The following TRAPPC3 variants were observed in gnomAD, a reference collection of about 807,000 sequenced individuals.
TRAPPC3 encodes trafficking protein particle complex subunit 3.
Under a neutral mutation model 18.2 loss-of-function variants are expected in TRAPPC3, and 5 were observed. The observed-to-expected ratio is 0.28, with a 90% CI of 0.14 to 0.58. The LOEUF is 0.58. Among genes scored for constraint, TRAPPC3 ranks in the 20% least tolerant of loss-of-function variants. TRAPPC3 has a pLI of 0.91. For synonymous variants in TRAPPC3, 65 were observed against 84.2 expected (o/e 0.77, Z 1.25); for missense variants, 176 against 225.9 (o/e 0.78, Z 1.41).
At chr1:36,153,131 A>G (rs1482562659), upstream of TRAPPC3, among the ~76,000 whole-genome samples, 3 of 152,152 alleles carry the variant, frequency 2.0e-5, no homozygotes, top group African/African-American at 4.8e-5. Flanking sequence ...ACTGCAGGGA[A>G]TGCTGTTGGG....
intron 1 of TRAPPC3, among the ~76,000 whole-genome samples, chr1:36,148,693 C>CT (rs1644235680): frequency 6.6e-6 from 1 of 152,148 alleles, no homozygotes; most frequent in Non-Finnish European, 1.5e-5. Context: ...AAACTATTCC[C>CT]TGGGAAAGAA....
At chr1:36,154,216 G>A (rs762713117), upstream of TRAPPC3, among the ~76,000 whole-genome samples, 1 of 152,112 alleles carries the variant, frequency 6.6e-6, no homozygotes, top group Non-Finnish European at 1.5e-5. Context: ...TGTTGGCCAG[G>A]CTGATCTCGA....
intron 3 of TRAPPC3, among the ~76,000 whole-genome samples, chr1:36,139,089 G>T (rs1436251278): frequency 2.1e-5 from 3 of 146,280 alleles, no homozygotes; most frequent in Admixed American, 1.4e-4. Context: ...GGTAATTAAA[G>T]AAATTTAAAG....
chr1:36,145,715 T>C (rs77162983), intron 1 of TRAPPC3, among the ~76,000 whole-genome samples: 1 of 152,190 alleles, frequency 6.6e-6, no homozygotes, highest in Non-Finnish European at 1.5e-5. Flanking sequence ...TAGCTTTACA[T>C]GCATTCTCTC....
At chr1:36,148,144 T>G (rs977837045) in intron 1 of TRAPPC3, among the ~76,000 whole-genome samples, 2 of 152,198 alleles carry the variant, frequency 1.3e-5, no homozygotes, top group Non-Finnish European at 2.9e-5. Context: ...TCCCCTTACC[T>G]GACATTGTTT....
chr1:36,140,422 T>C (rs1378795188), intron 1 of TRAPPC3: 3 of 330,690 alleles, frequency 9.1e-6, no homozygotes, highest in Non-Finnish European at 1.1e-5. Context: ...CACACCAAGG[T>C]AGGCTTCTGC....
chr1:36,152,070 C>T (rs989441483), upstream of TRAPPC3, among the ~76,000 whole-genome samples: 2 of 152,104 alleles, frequency 1.3e-5, no homozygotes, highest in Non-Finnish European at 2.9e-5. Flanking sequence ...CTCTCCTCTG[C>T]CCCCACTGTG....
upstream of TRAPPC3, among the ~76,000 whole-genome samples, chr1:36,151,117 G>C (rs1644267974): frequency 1.3e-5 from 2 of 152,136 alleles, no homozygotes; most frequent in African/African-American, 4.8e-5. Context: ...TCCTCCTCTT[G>C]GCGTCTCTTT....
At chr1:36,149,175 T>A in intron 1 of TRAPPC3, 162 bp downstream of exon 1, 2 of 1,469,854 alleles carry the variant, frequency 1.4e-6, no homozygotes, top group East Asian at 2.5e-5. Flanking sequence ...GACGGTCCCC[T>A]CACCTGCCTG....
chr1:36,139,584 TG>T (rs1196236337), intron 3 of TRAPPC3, 135 bp downstream of exon 3: 5 of 1,139,724 alleles, frequency 4.4e-6, no homozygotes, highest in South Asian at 1.6e-5. Flanking sequence ...CGACCTGGAA[TG>T]TTTTTTTGAC....
At chr1:36,144,745 A>C (rs562333185) in intron 1 of TRAPPC3, among the ~76,000 whole-genome samples, 4 of 152,218 alleles carry the variant, frequency 2.6e-5, no homozygotes, top group African/African-American at 4.8e-5. Flanking sequence ...TAACTCAAAA[A>C]AAGTAACAGT....
upstream of TRAPPC3, among the ~76,000 whole-genome samples, chr1:36,150,607 A>G (rs1644261350): frequency 6.6e-6 from 1 of 152,226 alleles, no homozygotes; most frequent in Non-Finnish European, 1.5e-5. Context: ...GGGGCCGCTG[A>G]GGCTGCAAGC....
At position 36,145,780 on chromosome 1, in the gene TRAPPC3, T is replaced by A. The variant is rs559204159; in HGVS notation, c.42+3557A>T. On this transcript the variant is annotated intron_variant, in intron 1 of 4. Coordinates refer to ENST00000373166, the MANE Select transcript of TRAPPC3 (RefSeq NM_014408.5). ...AGGTACTATTATTACTTCATTTTTT[T>A]ATTTTTGTTTTGAGACAGAGTCTCG... Among the ~76,000 whole-genome samples, 9 of 152,326 alleles carry A rather than the reference T, an allele frequency of 5.9e-5. No homozygotes were observed. The South Asian group carries it at 6.2e-4, about 11-fold the overall frequency.
rs1376707450 is a variant in TRAPPC3, at chr1:36,149,374, G to A, written c.5C>T (p.Ser2Leu). The change falls in exon 1 of 5, where the codon TCG (serine) becomes TTG (leucine). Residue 2 changes from serine (S) to leucine (L), a missense_variant. Physicochemically the swap from Ser to Leu is moderately radical, Grantham distance 145 (BLOSUM62 -2). Coordinates refer to ENST00000373166, the MANE Select transcript of TRAPPC3 (RefSeq NM_014408.5). M[S>L]RQANRGTESK... ...CTCGGTGCCACGGTTCGCCTGCCTC[G>A]ACATGGTGCCGGCCGCCCCGCCCCA... 1.2e-5 allele frequency: 20 copies of A among 1,613,130 alleles called. No individual in the cohort carries two copies. The highest frequency in any genetic ancestry group is 1.7e-5 in the Non-Finnish European group (20 of 1,179,848).
At chr1:36,147,420 GCC>G (rs1057145525) in intron 1 of TRAPPC3, among the ~76,000 whole-genome samples, 1 of 151,280 alleles carries the variant, frequency 6.6e-6, no homozygotes, top group Non-Finnish European at 1.5e-5. Context: ...GACTGCTTGA[GCC>G]CAGGAGTTCG....
At chr1:36,139,635 CCTCT>C in intron 3 of TRAPPC3, 81 bp downstream of exon 3, 2 of 1,550,930 alleles carry the variant, frequency 1.3e-6, no homozygotes, top group Non-Finnish European at 1.7e-6. Context: ...AGATTAAAGG[CCTCT>C]CTAAGGGAGA....
At chr1:36,153,687 G>C (rs926158734), upstream of TRAPPC3, among the ~76,000 whole-genome samples, 2 of 152,076 alleles carry the variant, frequency 1.3e-5, no homozygotes, top group African/African-American at 4.8e-5. Flanking sequence ...CACACCCCCC[G>C]CCCACCGCCG....
At chr1:36,153,686 C>A (rs977607140), upstream of TRAPPC3, among the ~76,000 whole-genome samples, 1 of 152,162 alleles carries the variant, frequency 6.6e-6, no homozygotes, top group African/African-American at 2.4e-5. Flanking sequence ...ACACACCCCC[C>A]GCCCACCGCC....
At chr1:36,153,738 A>G (rs888952360), upstream of TRAPPC3, among the ~76,000 whole-genome samples, 1 of 152,088 alleles carries the variant, frequency 6.6e-6, no homozygotes, top group Non-Finnish European at 1.5e-5. Context: ...GGGGGGCAAA[A>G]TTGCCCTTGG....
Sources: allele counts gnomAD v4.1 joint callset (sites outside exome capture counted in the v4.1 genomes callset), GRCh38; gene constraint gnomAD v4.1.1; transcripts MANE v1.5; gene names NCBI Gene and HGNC (gene_info 2026-07-23, HGNC 2026-07-21).